The following UBAP2 variants were observed in gnomAD, a reference collection of about 807,000 sequenced individuals.
The protein encoded by UBAP2 is ubiquitin-associated protein 2.
A neutral mutation model predicts 139.6 loss-of-function variants in UBAP2; 75 were observed. The observed-to-expected ratio is 0.54, with a 90% CI of 0.45 to 0.65. The LOEUF is 0.65. UBAP2 is among the 30% of genes least tolerant of loss of function. UBAP2 has a pLI of 0.00. For synonymous variants in UBAP2, 526 were observed against 526.2 expected, an observed-to-expected ratio of 1.00 and a Z score of 0.01; for missense variants, 1,368 against 1,369.6, an observed-to-expected ratio of 1.00 and a Z score of 0.02.
At chr9:33,985,411 A>C (rs1011834668) in intron 6 of UBAP2, among the ~76,000 whole-genome samples, 10 of 152,232 alleles carry the variant, frequency 6.6e-5, no homozygotes, top group Non-Finnish European at 1.0e-4. Flanking sequence ...AATATAGAGA[A>C]TCAACCTAAG....
intron 6 of UBAP2, among the ~76,000 whole-genome samples, chr9:33,978,282 C>T (rs1820330290): frequency 6.6e-6 from 1 of 151,742 alleles, no homozygotes; most frequent in Non-Finnish European, 1.5e-5. Flanking sequence ...GTCTGTAATC[C>T]CAGCACCTTG....
At chr9:33,974,264 T>C (rs1828127898) in intron 6 of UBAP2, among the ~76,000 whole-genome samples, 1 of 152,004 alleles carries the variant, frequency 6.6e-6, no homozygotes, top group African/African-American at 2.4e-5. Context: ...TCCCAGCACT[T>C]TGGAACACCG....
chr9:34,035,514 A>AAAAAAATATAT lies in UBAP2; in HGVS notation c.-42+13310_-42+13311insATATATTTTTT. Among the ~76,000 whole-genome samples the AAAAAAATATAT allele has an allele frequency of 8.4e-4, 19 of 22,494 alleles. 2 individuals are homozygous for AAAAAAATATAT. The highest frequency in any genetic ancestry group is 2.2e-3 in the African/African-American group (17 of 7,854). 14.8% of individuals were successfully genotyped at this position (22,494 alleles called of 152,430 possible). A position where few individuals can be genotyped will look rare whatever the true frequency, so the allele number is the denominator to read the frequency against. ...GAGACTCCATCTAAAAAAAAAAAAA[A>AAAAAAATATAT]ATATATATATATAAAGATTAGCCAG... On this transcript the variant is annotated intron_variant, in intron 1 of 28. Coordinates refer to ENST00000379238, the MANE Select transcript of UBAP2 (RefSeq NM_001370062.2).
intron 1 of UBAP2, among the ~76,000 whole-genome samples, chr9:34,033,327 G>A (rs538934150): frequency 3.9e-5 from 6 of 152,180 alleles, no homozygotes; most frequent in East Asian, 1.9e-4. Flanking sequence ...GGATAGAACC[G>A]GAGATCATTA....
At chr9:33,941,913 CAT>C in intron 15 of UBAP2, 51 bp from the exon 16 acceptor site, 1 of 1,097,276 alleles carries the variant, frequency 9.1e-7, no homozygotes. Flanking sequence ...TAAATAGCTT[CAT>C]AAAAAAAAAA....
intron 14 of UBAP2, among the ~76,000 whole-genome samples, chr9:33,944,032 T>C (rs1825455362): frequency 6.6e-6 from 1 of 152,100 alleles, no homozygotes; most frequent in Admixed American, 6.5e-5. Flanking sequence ...GACTACTCTA[T>C]TTTTGGGGAC....
chr9:33,969,921 C>CTTTTTTTTTTTTTTTTTTTTTTTT (rs1173625005), intron 8 of UBAP2, among the ~76,000 whole-genome samples: 1 of 46,154 alleles, frequency 2.2e-5, no homozygotes, highest in African/African-American at 8.9e-5. Flanking sequence ...GTGTATAATT[C>CTTTTTTTTTTTTTTTTTTTTTTTT]TTTTTTTTTT....
At chr9:33,945,510 A>AAAC (rs2130941294) in intron 13 of UBAP2, among the ~76,000 whole-genome samples, 1 of 152,264 alleles carries the variant, frequency 6.6e-6, no homozygotes, top group African/African-American at 2.4e-5. Flanking sequence ...ACAAACAAAA[A>AAAC]ACAAAATCCA....
intron 1 of UBAP2, among the ~76,000 whole-genome samples, chr9:34,035,224 T>C (rs1826226743): frequency 6.6e-6 from 1 of 151,820 alleles, no homozygotes; most frequent in African/African-American, 2.4e-5. Context: ...TTCATACGGC[T>C]AGGCGCGGTG....
Position 33,953,404 on chromosome 9 carries a change from T to A in UBAP2, c.937A>T (p.Thr313Ser). Residue 313 changes from threonine (T) to serine (S), a missense_variant, in exon 12 of 29, where the codon ACT (threonine) becomes TCT (serine). By Grantham distance (58) the Thr-to-Ser change is moderately conservative. Coordinates refer to ENST00000379238, the MANE Select transcript of UBAP2 (RefSeq NM_001370062.2). ...SQASEANSFE[T>S]SQQQGFGQAL... Reference sequence around the variant, plus strand: ...TGGCCAAAGCCCTGCTGTTGGGAAGTTTCAAAGGAGTTGGCTTCTGAGGCT... The same window carrying A: ...TGGCCAAAGCCCTGCTGTTGGGAAGATTCAAAGGAGTTGGCTTCTGAGGCT... The A allele has an allele frequency of 6.2e-7, 1 of 1,614,080 alleles. No individual in the cohort carries two copies. The highest frequency in any genetic ancestry group is 8.5e-7 in the Non-Finnish European group (1 of 1,179,990).
At chr9:33,933,100 T>G (rs1479904344) in intron 18 of UBAP2, among the ~76,000 whole-genome samples, 1 of 152,198 alleles carries the variant, frequency 6.6e-6, no homozygotes, top group East Asian at 1.9e-4. Flanking sequence ...CATCGTTTCT[T>G]CAGCCATGGA....
chr9:34,045,876 T>A (rs1247735196), intron 1 of UBAP2, among the ~76,000 whole-genome samples: 1 of 152,160 alleles, frequency 6.6e-6, no homozygotes, highest in Non-Finnish European at 1.5e-5. Flanking sequence ...CCACAAAGAT[T>A]ACATGGTGAT....
At chr9:33,937,640 G>A (rs1263999686) in intron 16 of UBAP2, among the ~76,000 whole-genome samples, 1 of 149,342 alleles carries the variant, frequency 6.7e-6, no homozygotes, top group African/African-American at 2.5e-5. Flanking sequence ...GGGCACAATG[G>A]CTCATGCCTG....
At chr9:34,039,110 G>A (rs1310800615) in intron 1 of UBAP2, among the ~76,000 whole-genome samples, 3 of 151,698 alleles carry the variant, frequency 2.0e-5, no homozygotes, top group African/African-American at 7.3e-5. Flanking sequence ...GAAGTGAGGA[G>A]CGTCTCCGCC....
chr9:33,993,354 C>T (rs1821877034), intron 4 of UBAP2, among the ~76,000 whole-genome samples: 1 of 152,188 alleles, frequency 6.6e-6, no homozygotes, highest in Admixed American at 6.5e-5. Context: ...ATAATCAAAG[C>T]TGTTTAGCCA....
chr9:34,045,228 C>T (rs967000872), intron 1 of UBAP2, among the ~76,000 whole-genome samples: 7 of 151,820 alleles, frequency 4.6e-5, no homozygotes, highest in Admixed American at 4.6e-4. Context: ...CGCCAGTAGT[C>T]CCAGGTACTC....
At chr9:33,983,052 G>A (rs1263608161) in intron 6 of UBAP2, among the ~76,000 whole-genome samples, 2 of 151,720 alleles carry the variant, frequency 1.3e-5, no homozygotes, top group African/African-American at 4.8e-5. Context: ...TAATTTTTTT[G>A]TATTTTGAGT....
intron 9 of UBAP2, among the ~76,000 whole-genome samples, chr9:33,961,929 T>C (rs1044990274): frequency 1.3e-5 from 2 of 152,192 alleles, no homozygotes; most frequent in Admixed American, 1.3e-4. Context: ...GTACCTGATT[T>C]CAGATTGGGG....
chr9:33,962,665 TAAATAAATAAATAAA>T (rs1249466441), intron 9 of UBAP2, among the ~76,000 whole-genome samples: 36 of 142,966 alleles, frequency 2.5e-4, no homozygotes, highest in Non-Finnish European at 9.1e-5. Context: ...AATAAATAAA[TAAATAAATAAATAAA>T]TAATTAAAAA....
Sources: allele counts gnomAD v4.1 joint callset (sites outside exome capture counted in the v4.1 genomes callset), GRCh38; gene constraint gnomAD v4.1.1; transcripts MANE v1.5; gene names NCBI Gene and HGNC (gene_info 2026-07-23, HGNC 2026-07-21).